Variants in MARCHF1 observed in about 807,000 individuals in gnomAD.
MARCHF1 encodes the protein E3 ubiquitin-protein ligase MARCHF1.
MARCHF1 carries 40 observed loss-of-function variants against 54.2 expected under a neutral mutation model. The ratio of observed to expected loss-of-function variants is 0.74; its 90% confidence interval spans 0.57 to 0.96. The LOEUF (loss-of-function observed/expected upper bound fraction) is 0.96. Ranked by LOEUF, MARCHF1 falls within the 40% of genes least tolerant of loss-of-function variation. The pLI is 0.00. For synonymous variants in MARCHF1, 236 were observed against 236.3 expected (o/e 1.00, Z 0.01); for missense variants, 586 against 656.5 (o/e 0.89, Z 1.17).
chr4:164,116,982 G>A (rs1212405902), intron 1 of MARCHF1, among the ~76,000 whole-genome samples: 1 of 152,088 alleles, frequency 6.6e-6, no homozygotes, highest in Non-Finnish European at 1.5e-5. Context: ...AATAGGCTGG[G>A]CGTGCTGACT....
At chr4:163,867,205 T>C (rs1387735122) in intron 3 of MARCHF1, among the ~76,000 whole-genome samples, 2 of 151,910 alleles carry the variant, frequency 1.3e-5, no homozygotes, top group Non-Finnish European at 2.9e-5. Context: ...AAACTATCAG[T>C]TGTGGTCTGA....
intron 4 of MARCHF1, among the ~76,000 whole-genome samples, chr4:163,717,175 T>A (rs563468296): frequency 7.8e-6 from 1 of 128,828 alleles, no homozygotes; most frequent in African/African-American, 2.9e-5. Flanking sequence ...GGCCCCAGTG[T>A]GTGATGTTCC....
chr4:164,340,601 T>G (rs1171944739), intron 1 of MARCHF1, among the ~76,000 whole-genome samples: 1 of 151,170 alleles, frequency 6.6e-6, no homozygotes, highest in Non-Finnish European at 1.5e-5. Context: ...TTTTGTATTT[T>G]TAGTAGAGAC....
At chr4:164,325,903 T>C (rs1735267919) in intron 1 of MARCHF1, among the ~76,000 whole-genome samples, 1 of 152,048 alleles carries the variant, frequency 6.6e-6, no homozygotes, top group Admixed American at 6.6e-5. Context: ...GAAAATAAAT[T>C]TAAAATAACA....
chr4:163,819,363 C>T (rs765208600), intron 4 of MARCHF1, among the ~76,000 whole-genome samples: 1 of 152,082 alleles, frequency 6.6e-6, no homozygotes, highest in African/African-American at 2.4e-5. Flanking sequence ...GATGGCTGAA[C>T]CACAAGCCTG....
At chr4:164,111,147 G>A (rs751034347) in intron 2 of MARCHF1, among the ~76,000 whole-genome samples, 1 of 151,752 alleles carries the variant, frequency 6.6e-6, no homozygotes, top group Admixed American at 6.6e-5. Context: ...TATAATCCAA[G>A]TATTAGTAAC....
intron 1 of MARCHF1, among the ~76,000 whole-genome samples, chr4:164,232,781 A>G (rs1732448776): frequency 6.6e-6 from 1 of 152,192 alleles, no homozygotes; most frequent in East Asian, 1.9e-4. Flanking sequence ...TAAGTTAGAG[A>G]AATTGTATAT....
chr4:163,667,384 TCGA>T (rs1743576480), intron 5 of MARCHF1, among the ~76,000 whole-genome samples: 1 of 152,000 alleles, frequency 6.6e-6, no homozygotes, highest in Admixed American at 6.5e-5. Flanking sequence ...AGTGATATCT[TCGA>T]CAACAACAAA....
At chr4:163,641,960 G>A (rs538321117) in intron 5 of MARCHF1, among the ~76,000 whole-genome samples, 92 of 152,172 alleles carry the variant, frequency 6.0e-4, no homozygotes, top group African/African-American at 2.0e-3. Context: ...TCCACCAGTG[G>A]AGACGTTGTG....
intron 1 of MARCHF1, among the ~76,000 whole-genome samples, chr4:164,321,163 A>G (rs2110762238): frequency 6.6e-6 from 1 of 152,296 alleles, no homozygotes; most frequent in South Asian, 2.1e-4. Context: ...AAACAAATAA[A>G]CACATGCTGG....
chr4:164,010,979 T>G (rs971422060), intron 2 of MARCHF1, among the ~76,000 whole-genome samples: 2 of 152,176 alleles, frequency 1.3e-5, no homozygotes, highest in Non-Finnish European at 2.9e-5. Context: ...CCAACTCATT[T>G]TTAACAAAGT....
intron 8 of MARCHF1, among the ~76,000 whole-genome samples, chr4:163,556,139 A>G (rs1739278198): frequency 6.6e-6 from 1 of 152,076 alleles, no homozygotes; most frequent in Non-Finnish European, 1.5e-5. Context: ...AAGCATCACA[A>G]TGTATCGGAC....
At chr4:163,634,224 AG>A in intron 5 of MARCHF1, among the ~76,000 whole-genome samples, 1 of 152,028 alleles carries the variant, frequency 6.6e-6, no homozygotes, top group African/African-American at 2.4e-5. Flanking sequence ...TCATCATGAC[AG>A]GATCAAATTC....
intron 3 of MARCHF1, among the ~76,000 whole-genome samples, chr4:163,987,868 A>G (rs1359212528): frequency 6.6e-6 from 1 of 152,242 alleles, no homozygotes; most frequent in African/African-American, 2.4e-5. Context: ...TGCAAAATAA[A>G]GGCTCACCGT....
chr4:163,701,416 AC>A (rs1026937538), intron 4 of MARCHF1, among the ~76,000 whole-genome samples: 2 of 152,142 alleles, frequency 1.3e-5, no homozygotes, highest in African/African-American at 2.4e-5. Flanking sequence ...AAAACTTAAA[AC>A]TTTTATAAAT....
intron 1 of MARCHF1, chr4:164,197,195 C>T: frequency 6.2e-7 from 1 of 1,609,458 alleles, no homozygotes; most frequent in Non-Finnish European, 8.5e-7. Flanking sequence ...TCATACTCCT[C>T]CTCATGCTCA....
chr4:163,877,217 TACTGA>T, intron 3 of MARCHF1, among the ~76,000 whole-genome samples: 1 of 152,290 alleles, frequency 6.6e-6, no homozygotes, highest in East Asian at 1.9e-4. Flanking sequence ...TTTTCATCCC[TACTGA>T]AAAGTTCTTG....
chr4:163,929,841 A>G (rs1364751016), intron 3 of MARCHF1, among the ~76,000 whole-genome samples: 1 of 147,960 alleles, frequency 6.8e-6, no homozygotes, highest in Non-Finnish European at 1.5e-5. Context: ...CTAGCATGGT[A>G]ATATAATATA....
chr4:163,809,433 T>A (rs543384743), intron 4 of MARCHF1, among the ~76,000 whole-genome samples: 26 of 152,302 alleles, frequency 1.7e-4, no homozygotes, highest in African/African-American at 5.5e-4. Context: ...CAAAATAGCA[T>A]CCTAGTCATA....
Sources: allele counts gnomAD v4.1 joint callset (sites outside exome capture counted in the v4.1 genomes callset), GRCh38; gene constraint gnomAD v4.1.1; transcripts MANE v1.5; gene names NCBI Gene and HGNC (gene_info 2026-07-23, HGNC 2026-07-21).